MED7: variants seen among roughly 807,000 people sequenced by gnomAD.
MED7 encodes mediator complex subunit 7.
In MED7, 7 loss-of-function variants were observed where a neutral mutation model predicts 16.6. The ratio of observed to expected loss-of-function variants is 0.42; its 90% CI spans 0.24 to 0.79. The LOEUF is 0.79. Among genes scored for constraint, MED7 ranks in the 30% least tolerant of loss-of-function variants. MED7 has a pLI of 0.27. For synonymous variants in MED7, 88 were observed against 90.5 expected, an observed-to-expected ratio of 0.97 and a Z score of 0.16; for missense variants, 240 against 286.3, an observed-to-expected ratio of 0.84 and a Z score of 1.17.
Position 157,138,418 on chromosome 5 carries a change from A to C in MED7, c.*312T>G. ...AAAGCAAATGCTAAATCCCCTTTTC[A>C]AAGACGAAAACTTTGCTATTATTGA... On this transcript the variant is annotated 3_prime_UTR_variant, in exon 2 of 2. Transcript: ENST00000286317. 4.2e-6 allele frequency: 1 copy of C among 240,628 alleles called. No individual in the cohort carries two copies. Among genetic ancestry groups the C allele is most frequent in the Non-Finnish European group, 7.9e-6 (1 of 126,654 alleles). 14.9% of individuals were successfully genotyped at this position (240,628 alleles called of 1,614,324 possible).
At chr5:157,140,300 C>T (rs1300535455) in intron 1 of MED7, among the ~76,000 whole-genome samples, 1 of 152,152 alleles carries the variant, frequency 6.6e-6, no homozygotes, top group African/African-American at 2.4e-5. Context: ...AGGCGTGAGC[C>T]ACCACGCCTG....
intron 1 of MED7, among the ~76,000 whole-genome samples, chr5:157,139,742 C>G (rs1757696765): frequency 8.0e-6 from 1 of 125,448 alleles, no homozygotes; most frequent in South Asian, 2.8e-4. Flanking sequence ...GACTCCATGC[C>G]CCTCACCACT....
At position 157,138,031 on chromosome 5, in the gene MED7, T is replaced by G. The variant is rs1172565898; in HGVS notation, c.*699A>C. On this transcript the variant is annotated 3_prime_UTR_variant, in exon 2 of 2. Coordinates refer to ENST00000286317, the MANE Select transcript of MED7 (RefSeq NM_004270.5). Reference sequence around the variant, plus strand: ...TTCCCATTGTGGACTTAAACAAGTCTGAGCTTAGCTTTAAAGAAAATGTAT... The same window carrying G: ...TTCCCATTGTGGACTTAAACAAGTCGGAGCTTAGCTTTAAAGAAAATGTAT... The G allele has an allele frequency of 1.3e-5, 2 of 152,234 alleles. No individual in the cohort carries two copies. Among genetic ancestry groups the G allele is most frequent in the East Asian group, 3.8e-4 (2 of 5,198 alleles). The allele number at this position is 152,234 out of a possible 1,614,324, so 9.4% of individuals were successfully genotyped here.
intron 1 of MED7, among the ~76,000 whole-genome samples, chr5:157,139,721 A>G (rs1757696010): frequency 6.6e-6 from 1 of 151,708 alleles, no homozygotes; most frequent in East Asian, 1.9e-4. Flanking sequence ...ATCTCTAAAG[A>G]AAATCTTCTG....
intron 1 of MED7, among the ~76,000 whole-genome samples, chr5:157,140,932 TGTTAACA>T (rs1757712783): frequency 6.6e-6 from 1 of 152,248 alleles, no homozygotes; most frequent in African/African-American, 2.4e-5. Context: ...ATTCTCCAAA[TGTTAACA>T]TTTTCCTTCA....
chr5:157,138,884 C>T lies in MED7; in HGVS notation c.548G>A (p.Arg183Lys). ...AGCATCCATTGGTTCAGTTTTTACT[C>T]TCATTCCTGCTTCTGAATGAGGCAA... ...DDLPHSEAGM[R>K]VKTEPMDADD... The change falls in exon 2 of 2, where the codon AGA becomes AAA. Residue 183 changes from arginine to lysine, a missense_variant. By Grantham distance (26) the Arg-to-Lys change is conservative. Coordinates refer to ENST00000286317, the MANE Select transcript of MED7 (RefSeq NM_004270.5). 2 of 1,614,164 alleles carry T rather than the reference C, an allele frequency of 1.2e-6. No individual in the cohort carries two copies. Among genetic ancestry groups the T allele is most frequent in the African/African-American group, 1.3e-5 (1 of 75,048 alleles).
chr5:157,142,342 C>G (rs933116988), intron 1 of MED7: 3 of 152,236 alleles, frequency 2.0e-5, no homozygotes, highest in South Asian at 2.1e-4. Flanking sequence ...CTTTTAAAAC[C>G]TCTCCAGATG....
chr5:157,142,023 CA>C (rs999141553), intron 1 of MED7, among the ~76,000 whole-genome samples: 1 of 152,202 alleles, frequency 6.6e-6, no homozygotes. Context: ...CCTTTAGCTC[CA>C]AAGGGCAAGC....
At chr5:157,142,260 A>C (rs934902113) in intron 1 of MED7, 2 of 152,226 alleles carry the variant, frequency 1.3e-5, no homozygotes, top group African/African-American at 4.8e-5. Context: ...CCAGAAGACG[A>C]CAGACATTCC....
chr5:157,139,392 G>T lies in MED7; in HGVS notation c.40C>A (p.Pro14Thr). Residue 14 changes from proline to threonine, a missense_variant, in exon 2 of 2, where the codon CCA (proline) becomes ACA (threonine). By Grantham distance (38) the Pro-to-Thr change is conservative. Coordinates refer to ENST00000286317, the MANE Select transcript of MED7 (RefSeq NM_004270.5). ...GTATATTCCTTGATATATTGCATTG[G>T]AGGTGGTGGAAGTGCACTCACTTGC... The part of the protein sequence containing the change: ...PQQVSALPPP[P>T]MQYIKEYTDE... 1 of 1,599,436 alleles carries T rather than the reference G, an allele frequency of 6.3e-7. No individual in the cohort carries two copies. The highest frequency in any genetic ancestry group is 1.3e-5 in the African/African-American group (1 of 74,610).
At chr5:157,139,962 A>G (rs1249473533) in intron 1 of MED7, among the ~76,000 whole-genome samples, 2 of 152,216 alleles carry the variant, frequency 1.3e-5, no homozygotes, top group African/African-American at 4.8e-5. Flanking sequence ...ATTCAGTTCC[A>G]TACCCTTTTT....
chr5:157,139,029 A>G lies in MED7; in HGVS notation c.403T>C (p.Leu135=). 1.2e-6 allele frequency: 2 copies of G among 1,614,122 alleles called. No individual in the cohort carries two copies. Among genetic ancestry groups the G allele is most frequent in the Non-Finnish European group, 8.5e-7 (1 of 1,180,020 alleles). Residue 135 remains leucine (L), a synonymous_variant, in exon 2 of 2, where the codon TTG becomes CTG. Transcript: ENST00000286317. The part of the protein sequence containing the change: ...EYRPHQARET[L]RVMMEVQKRQ... ...TTCTGGACCTCCATCATGACTCTCA[A>G]GGTCTCTCTTGCTTGGTGGGGTCGG...
chr5:157,138,643 G>A lies in MED7; in HGVS notation c.*87C>T. ...AAGATTAAAGCTGTTTACATTTTTA[G>A]TGAAACTTCTCTTAAGACTGTCCAA... On this transcript the variant is annotated 3_prime_UTR_variant, in exon 2 of 2. Transcript: ENST00000286317. 8.4e-7 allele frequency: 1 copy of A among 1,185,818 alleles called. No homozygotes were observed. Among genetic ancestry groups the A allele is most frequent in the South Asian group, 1.6e-5 (1 of 64,264 alleles). The allele number at this position is 1,185,818 out of a possible 1,614,324, so 73.5% of individuals were successfully genotyped here.
At chr5:157,139,885 C>G (rs1235260581) in intron 1 of MED7, among the ~76,000 whole-genome samples, 1 of 152,128 alleles carries the variant, frequency 6.6e-6, no homozygotes, top group African/African-American at 2.4e-5. Flanking sequence ...CTCATAAACA[C>G]TCTGACAAAA....
chr5:157,138,346 A>G lies in MED7; in HGVS notation c.*384T>C, dbSNP rs1010406511. ...TTAATGGAATAAGTCTAAAGATTTCATAGTTTTACATGTAGAGAGCTTAAT... is the reference window on the plus strand; with the variant it reads ...TTAATGGAATAAGTCTAAAGATTTCGTAGTTTTACATGTAGAGAGCTTAAT... On this transcript the variant is annotated 3_prime_UTR_variant, in exon 2 of 2. Transcript: ENST00000286317. 6.2e-6 allele frequency: 1 copy of G among 162,332 alleles called. No individual in the cohort carries two copies. Among genetic ancestry groups the G allele is most frequent in the Non-Finnish European group, 1.3e-5 (1 of 75,350 alleles). The allele number at this position is 162,332 out of a possible 1,614,324, so 10.1% of individuals were successfully genotyped here.
intron 1 of MED7, among the ~76,000 whole-genome samples, chr5:157,139,963 T>C (rs1193520353): frequency 6.6e-6 from 1 of 152,194 alleles, no homozygotes. Context: ...TTCAGTTCCA[T>C]ACCCTTTTTG....
At chr5:157,140,672 C>G (rs1206802059) in intron 1 of MED7, among the ~76,000 whole-genome samples, 2 of 152,018 alleles carry the variant, frequency 1.3e-5, no homozygotes, top group African/African-American at 4.8e-5. Flanking sequence ...ACCTCCCAAG[C>G]AGCTGGGACT....
chr5:157,139,441 T>C lies in MED7; in HGVS notation c.-10A>G, dbSNP rs773041024. The C allele has an allele frequency of 1.9e-6, 3 of 1,539,224 alleles. No homozygotes were observed. In the East Asian group the frequency reaches 6.8e-5, roughly 35 times the overall value. On this transcript the variant is annotated 5_prime_UTR_variant, in exon 2 of 2. Transcript: ENST00000286317. The stretch of plus-strand genomic sequence containing the variant: ...GCTGTGGTTCACCCATTGTGGACTA[T>C]CAAGAACCTATGGACACAGACCAAA...
At chr5:157,139,869 G>C (rs1757698100) in intron 1 of MED7, among the ~76,000 whole-genome samples, 1 of 151,920 alleles carries the variant, frequency 6.6e-6, no homozygotes, top group Admixed American at 6.6e-5. Flanking sequence ...ACACTTACTT[G>C]TATCTCTCAT....
Sources: allele counts gnomAD v4.1 joint callset (sites outside exome capture counted in the v4.1 genomes callset), GRCh38; gene constraint gnomAD v4.1.1; transcripts MANE v1.5; gene names NCBI Gene and HGNC (gene_info 2026-07-23, HGNC 2026-07-21).